The following KRT31 variants were observed in gnomAD, a reference collection of about 807,000 sequenced individuals.
KRT31 encodes keratin, type I cuticular Ha1.
A neutral mutation model predicts 40.8 loss-of-function variants in KRT31; 27 were observed. That is an observed-to-expected ratio of 0.66 (90% CI 0.49 to 0.91). The LOEUF is 0.91. Among genes scored for constraint, KRT31 ranks in the 40% least tolerant of loss-of-function variants. The pLI is 0.00. For synonymous variants in KRT31, 231 were observed against 231.9 expected, an observed-to-expected ratio of 1.00 and a Z score of 0.03; for missense variants, 510 against 544.1, an observed-to-expected ratio of 0.94 and a Z score of 0.62.
intron 4 of KRT31, 45 bp downstream of exon 4, chr17:41,395,417 C>G (rs771801554): frequency 8.1e-6 from 13 of 1,613,970 alleles, no homozygotes; most frequent in South Asian, 2.2e-5. Context: ...CTCCGGGGCC[C>G]TGGGGGGCCT....
At chr17:41,397,168 G>A (rs1039276522) in intron 1 of KRT31, 24 bp downstream of exon 1, 12 of 1,609,412 alleles carry the variant, frequency 7.5e-6, no homozygotes, top group Non-Finnish European at 1.0e-5. Context: ...TCTCTTGCTT[G>A]GAGATGACAG....
intron 6 of KRT31, 106 bp downstream of exon 6, chr17:41,394,742 T>C: frequency 6.4e-7 from 1 of 1,555,288 alleles, no homozygotes; most frequent in East Asian, 2.3e-5. Context: ...GCATGTCTAG[T>C]GTGAAGGCAT....
At chr17:41,397,021 A>T (rs1404342342) in intron 1 of KRT31, 26 bp from the exon 2 acceptor site, 1 of 1,595,252 alleles carries the variant, frequency 6.3e-7, no homozygotes, top group Admixed American at 1.7e-5. Context: ...TGGCTTAGTG[A>T]GGACTGAAAA....
In KRT31 at chr17:41,395,540, C is replaced by G. The variant is rs530760273; in HGVS notation, c.672G>C (p.Val224=). The G allele has an allele frequency of 3.7e-6, 6 of 1,614,230 alleles. No homozygotes were observed. In the East Asian group the frequency reaches 8.9e-5, roughly 24 times the overall value. Residue 224 remains valine, a synonymous_variant, in exon 4 of 7, where the codon GTG becomes GTC. Coordinates refer to ENST00000251645, the MANE Select transcript of KRT31 (RefSeq NM_002277.3). ...CATACTGACTCCTGGTCTCGTTCAGCACCCGATTCAGGTCCACAGTGGGAG... is the reference window on the plus strand; with the variant it reads ...CATACTGACTCCTGGTCTCGTTCAGGACCCGATTCAGGTCCACAGTGGGAG... ...DAAPTVDLNR[V]LNETRSQYEA... is the part of the protein sequence containing the mutation.
Position 41,394,139 on chromosome 17 carries a change from G to A in KRT31, c.1128C>T (p.Asn376=), listed in dbSNP as rs989802341. Residue 376 remains asparagine (N), a synonymous_variant, in exon 7 of 7, where the codon AAC becomes AAT. Transcript: ENST00000251645. ...AGGGTCCGATGGGCTTGCTGCACGCGTTGGTCGTGGCACAGGGATTGCTGG... is the reference window on the plus strand; with the variant it reads ...AGGGTCCGATGGGCTTGCTGCACGCATTGGTCGTGGCACAGGGATTGCTGG... ...NLPSNPCATT[N]ACSKPIGPCL... is the part of the protein sequence containing the mutation. 53 of 1,612,272 alleles carry A rather than the reference G, an allele frequency of 3.3e-5. No individual in the cohort carries two copies. The highest frequency in any genetic ancestry group is 4.2e-5 in the Non-Finnish European group (49 of 1,179,314).
At position 41,393,891 on chromosome 17, in the gene KRT31, T is replaced by A. The variant is rs1021290542; in HGVS notation, c.*125A>T. 5 of 1,072,086 alleles carry A rather than the reference T, an allele frequency of 4.7e-6. No homozygotes were observed. The highest frequency in any genetic ancestry group is 5.2e-6 in the Non-Finnish European group (4 of 766,520). 66.4% of individuals were successfully genotyped at this position (1,072,086 alleles called of 1,614,324 possible). The stretch of plus-strand genomic sequence containing the variant: ...ACAGGCTTTGGGTGAGTTTCTTGGC[T>A]GCCTTACGCGGGCAACTCCAGCCAT... On this transcript the variant is annotated 3_prime_UTR_variant, in exon 7 of 7. Transcript: ENST00000251645.
rs780482689 is a variant in KRT31, at chr17:41,394,037, G to C, written c.1230C>G (p.Pro410=). ...TPCAPRPRCG[P]CNSFVR is the part of the protein sequence containing the mutation. ...GGTTCTAGCGCACGAAGGAATTGCA[G>C]GGCCCACAGCGGGGGCGTGGGGCAC... The change falls in exon 7 of 7, where the codon CCC becomes CCG. Residue 410 remains proline, a synonymous_variant. Transcript: ENST00000251645. The C allele has an allele frequency of 4.3e-6, 7 of 1,613,352 alleles. No homozygotes were observed. Among genetic ancestry groups the C allele is most frequent in the Non-Finnish European group, 5.9e-6 (7 of 1,179,800 alleles).
At chr17:41,395,952 T>C (rs1251775739) in intron 3 of KRT31, among the ~76,000 whole-genome samples, 3 of 152,170 alleles carry the variant, frequency 2.0e-5, no homozygotes, top group South Asian at 2.1e-4. Flanking sequence ...TCAGACCATA[T>C]ATCAAAAAAC....
Position 41,397,387 on chromosome 17 carries a change from G to A in KRT31, c.153C>T (p.Ser51=). Reference sequence around the variant, plus strand: ...TAGTCTCCTTCTCGCTACCATTGAAGGAGCCCTCGCAGAACCAGTTGCAGT... The same window carrying A: ...TAGTCTCCTTCTCGCTACCATTGAAAGAGCCCTCGCAGAACCAGTTGCAGT... ...VSNCNWFCEG[S]FNGSEKETMQ... The change falls in exon 1 of 7, where the codon TCC becomes TCT. Residue 51 remains serine, a synonymous_variant. Transcript: ENST00000251645. The A allele has an allele frequency of 1.2e-6, 2 of 1,613,066 alleles. No individual in the cohort carries two copies. The highest frequency in any genetic ancestry group is 1.7e-6 in the Non-Finnish European group (2 of 1,180,058).
In KRT31 at chr17:41,396,595, A is replaced by G. The variant is rs115515301; in HGVS notation, c.432-19T>C. 5.8e-5 allele frequency: 93 copies of G among 1,609,726 alleles called. No individual in the cohort carries two copies. The African/African-American group carries it at 9.9e-4, about 17-fold the overall frequency. ...CTGGTACCTGCGCAAGGACAGGGTC[A>G]GAGTACTACCTGGTAGATCTTCAAG... On this transcript the variant is annotated intron_variant, in intron 2 of 6. Transcript: ENST00000251645.
Position 41,396,405 on chromosome 17 carries a change from C to G in KRT31, c.588+15G>C. ...GGCTGAGACAGGTTTGTGCATTTCT[C>G]ATTTCTAGTCTCACCTGCTCATGGT... On this transcript the variant is annotated intron_variant, in intron 3 of 6. Transcript: ENST00000251645. The G allele has an allele frequency of 1.2e-6, 2 of 1,610,514 alleles. No homozygotes were observed. The highest frequency in any genetic ancestry group is 1.7e-6 in the Non-Finnish European group (2 of 1,178,330).
At position 41,395,467 on chromosome 17, in the gene KRT31, T is replaced by C. The variant is rs777298484; in HGVS notation, c.745A>G (p.Thr249Ala). ...NRREVEQWFT[T>A]QTEELNKQVV... Reference sequence around the variant, plus strand: ...CCACGTGCTTAGATGCCCACCTGCGTGGTGAACCATTGCTCCACTTCCCTG... The same window carrying C: ...CCACGTGCTTAGATGCCCACCTGCGCGGTGAACCATTGCTCCACTTCCCTG... The change falls in exon 4 of 7, where the codon ACG becomes GCG. Residue 249 changes from threonine (T) to alanine (A), a missense_variant. By Grantham distance (58) the Thr-to-Ala change is moderately conservative. Transcript: ENST00000251645. The C allele has an allele frequency of 3.1e-6, 5 of 1,614,158 alleles. No individual in the cohort carries two copies. The South Asian group carries it at 4.4e-5, about 14-fold the overall frequency.
intron 3 of KRT31, 140 bp from the exon 4 acceptor site, chr17:41,395,763 A>C: frequency 2.0e-6 from 2 of 979,784 alleles, no homozygotes; most frequent in Non-Finnish European, 2.9e-6. Flanking sequence ...AGCTCAAGGC[A>C]CTCCATGTGG....
In KRT31 at chr17:41,395,621, C is replaced by G. The variant is rs1336476619; in HGVS notation, c.591G>C (p.Glu197Asp). 1 of 1,613,724 alleles carries G rather than the reference C, an allele frequency of 6.2e-7. No homozygotes were observed. Among genetic ancestry groups the G allele is most frequent in the Non-Finnish European group, 8.5e-7 (1 of 1,179,786 alleles). ...CAAGCTGGCAGCGCAGGGTATTGAC[C>G]TCCTATGGATGCAGAAAATACAAGA... ...LLCLKSNHEQ[E>D]VNTLRCQLGD... is the part of the protein sequence containing the mutation. Residue 197 changes from glutamate (E) to aspartate (D), a missense_variant and splice_region_variant, in exon 4 of 7, where the codon GAG becomes GAC. Physicochemically the swap from Glu to Asp is conservative, Grantham distance 45. Coordinates refer to ENST00000251645, the MANE Select transcript of KRT31 (RefSeq NM_002277.3).
At position 41,396,828 on chromosome 17, in the gene KRT31, G is replaced by T. The variant is rs2018234868; in HGVS notation, c.431+85C>A. The T allele has an allele frequency of 2.4e-6, 3 of 1,259,374 alleles. No homozygotes were observed. The South Asian group carries it at 3.7e-5, about 16-fold the overall frequency. The allele number at this position is 1,259,374 out of a possible 1,614,324, so 78.0% of individuals were successfully genotyped here. ...CTGCAGAATCCTTCACAACAAGTGG[G>T]TAGATCTGTTTTCAGATGGAAATCC... On this transcript the variant is annotated intron_variant, in intron 2 of 6. Transcript: ENST00000251645.
rs1022530605 is a variant in KRT31 at position 41,395,498 on chromosome 17, G to A, written c.714C>T (p.Thr238=). The A allele has an allele frequency of 6.2e-7, 1 of 1,614,088 alleles. No homozygotes were observed. The highest frequency in any genetic ancestry group is 8.5e-7 in the Non-Finnish European group (1 of 1,180,032). Reference sequence around the variant, plus strand: ...ACCATTGCTCCACTTCCCTGCGGTTGGTTTCCACCAGGGCCTCATACTGAC... The same window carrying A: ...ACCATTGCTCCACTTCCCTGCGGTTAGTTTCCACCAGGGCCTCATACTGAC... ...TRSQYEALVE[T]NRREVEQWFT... Residue 238 remains threonine (T), a synonymous_variant, in exon 4 of 7, where the codon ACC becomes ACT. Transcript: ENST00000251645.
In KRT31 at chr17:41,397,520, A is replaced by C. The variant is rs1163638022; in HGVS notation, c.20T>G (p.Leu7Arg). The change falls in exon 1 of 7, where the codon CTG becomes CGG. Residue 7 changes from leucine (L) to arginine (R), a missense_variant. By Grantham distance (102) the Leu-to-Arg change is moderately radical. Transcript: ENST00000251645. ...GCTGGTGCGGCAGCTCAGGCTGGGC[A>C]GGCAGAAGTTGTAGGGCATAGTGCT... is the stretch of plus-strand genomic sequence containing the variant. MPYNFC[L>R]PSLSCRTSCS... The C allele has an allele frequency of 3.5e-6, 5 of 1,440,124 alleles. No homozygotes were observed. Among genetic ancestry groups the C allele is most frequent in the Non-Finnish European group, 4.7e-6 (5 of 1,066,662 alleles). The allele number at this position is 1,440,124 out of a possible 1,614,324, so 89.2% of individuals were successfully genotyped here. A position where few individuals can be genotyped will look rare whatever the true frequency, so the allele number is the denominator to read the frequency against.
chr17:41,393,771 T>C lies in KRT31; in HGVS notation c.*245A>G. ...TTAGGAGGTTAAAAGGGAGGCCCAC[T>C]GGCACATCAGAGAGTTCTCTGGGTG... On this transcript the variant is annotated 3_prime_UTR_variant, in exon 7 of 7. Coordinates refer to ENST00000251645, the MANE Select transcript of KRT31 (RefSeq NM_002277.3). The C allele has an allele frequency of 2.0e-6, 1 of 494,072 alleles. No homozygotes were observed. Among genetic ancestry groups the C allele is most frequent in the Non-Finnish European group, 3.5e-6 (1 of 284,558 alleles). 30.6% of individuals were successfully genotyped at this position (494,072 alleles called of 1,614,324 possible).
In KRT31 at chr17:41,396,406, A is replaced by G; in HGVS notation, c.588+14T>C. ...GCTGAGACAGGTTTGTGCATTTCTC[A>G]TTTCTAGTCTCACCTGCTCATGGTT... On this transcript the variant is annotated intron_variant, in intron 3 of 6. Transcript: ENST00000251645. The G allele has an allele frequency of 6.2e-7, 1 of 1,610,716 alleles. No homozygotes were observed.
Sources: gnomAD v4.1 joint callset for allele counts (sites outside exome capture counted in the v4.1 genomes callset) on GRCh38, gnomAD v4.1.1 for gene constraint, MANE v1.5 for transcripts, NCBI Gene and HGNC (gene_info 2026-07-23, HGNC 2026-07-21) for gene names.